Variants in ANXA8 observed in about 807,000 individuals in gnomAD.
ANXA8 encodes VAC-beta.
A neutral mutation model predicts 26.8 loss-of-function variants in ANXA8; 9 were observed. That is an observed-to-expected ratio of 0.34 (90% CI 0.20 to 0.59). The LOEUF is 0.59. Ranked by LOEUF, ANXA8 falls within the 20% of genes least tolerant of loss-of-function variation. The pLI, the probability that ANXA8 is intolerant of heterozygous loss-of-function variation, is 0.84. For missense variants in ANXA8, 83 were observed against 238.5 expected (o/e 0.35, Z 4.29); for synonymous variants, 39 against 94.8 (o/e 0.41, Z 3.42).
At chr10:47,989,041 T>C in the ANXA8 span, among the ~76,000 whole-genome samples, 19 of 149,068 alleles carry the variant, frequency 1.3e-4, no homozygotes, top group Non-Finnish European at 2.5e-4. Context: ...GCTTATGTCA[T>C]GGCTTCCTCA....
chr10:47,533,418 C>A, the ANXA8 span, among the ~76,000 whole-genome samples: 3 of 150,302 alleles, frequency 2.0e-5, no homozygotes, highest in African/African-American at 7.3e-5. Context: ...GGCCACTTCA[C>A]CAGAACCTCT....
chr10:47,610,193 C>T, the ANXA8 span, among the ~76,000 whole-genome samples: 18 of 147,480 alleles, frequency 1.2e-4, 3 homozygotes, highest in African/African-American at 4.5e-4. Flanking sequence ...CTAAACATGT[C>T]ATGAAATGAC....
the ANXA8 span, among the ~76,000 whole-genome samples, chr10:47,762,192 G>A: frequency 4.0e-5 from 6 of 151,656 alleles, no homozygotes; most frequent in Non-Finnish European, 7.4e-5. Flanking sequence ...CACGCGCTTA[G>A]GGGAGTTGGT....
chr10:47,492,132 A>T, the ANXA8 span, among the ~76,000 whole-genome samples: 41 of 150,934 alleles, frequency 2.7e-4, 1 homozygote, highest in African/African-American at 9.5e-4. Flanking sequence ...GGGCCTGGAG[A>T]CCTGGGCAGT....
the ANXA8 span, among the ~76,000 whole-genome samples, chr10:47,988,481 A>C: frequency 8.0e-5 from 6 of 75,400 alleles, 1 homozygote; most frequent in African/African-American, 2.8e-4. Flanking sequence ...AGAACAACAC[A>C]GATGGGCATG....
the ANXA8 span, chr10:47,523,746 CCT>C: frequency 8.7e-4 from 1,198 of 1,381,130 alleles, no homozygotes; most frequent in African/African-American, 0.013. Context: ...TGCTGCCTCC[CCT>C]GAGTTGACTT....
At chr10:47,948,814 T>A in the ANXA8 span, among the ~76,000 whole-genome samples, 1 of 151,670 alleles carries the variant, frequency 6.6e-6, no homozygotes, top group Non-Finnish European at 1.5e-5. Context: ...AGGTAAAACA[T>A]AATCCAATTG....
the ANXA8 span, among the ~76,000 whole-genome samples, chr10:47,495,187 G>A: frequency 0.12 from 17,779 of 148,164 alleles, 291 homozygotes; most frequent in South Asian, 0.19. Context: ...AGTGGGTATG[G>A]AGGGGAAACA....
the ANXA8 span, among the ~76,000 whole-genome samples, chr10:47,918,435 G>T: frequency 2.9e-5 from 1 of 35,076 alleles, no homozygotes; most frequent in Non-Finnish European, 5.9e-5. Flanking sequence ...GAAAGAAAGA[G>T]AGAGAGAAAG....
the ANXA8 span, chr10:47,922,108 A>G: frequency 3.9e-6 from 2 of 510,350 alleles, 1 homozygote; most frequent in East Asian, 6.7e-5. Flanking sequence ...CGTGGACGTG[A>G]TGGTCTTCAT....
intron 3 of ANXA8, among the ~76,000 whole-genome samples, chr10:47,477,418 G>C (rs1367841297): frequency 6.9e-6 from 1 of 145,410 alleles, no homozygotes; most frequent in Non-Finnish European, 1.5e-5. Flanking sequence ...TTGCTTAGGG[G>C]GTTGTGTGTG....
chr10:47,673,190 C>T, the ANXA8 span, among the ~76,000 whole-genome samples: 2 of 151,706 alleles, frequency 1.3e-5, no homozygotes, highest in East Asian at 3.9e-4. Flanking sequence ...CACAGATGTT[C>T]ACTGAATGTT....
the ANXA8 span, among the ~76,000 whole-genome samples, chr10:47,686,555 A>G: frequency 6.6e-6 from 1 of 151,840 alleles, no homozygotes; most frequent in Non-Finnish European, 1.5e-5. Context: ...TCCTCTCAGA[A>G]ATTAAGCTCC....
chr10:47,702,639 C>G, the ANXA8 span, among the ~76,000 whole-genome samples: 1 of 151,692 alleles, frequency 6.6e-6, no homozygotes, highest in Non-Finnish European at 1.5e-5. Flanking sequence ...CCGTGCCCGG[C>G]CTCTCTTTTT....
the ANXA8 span, chr10:47,970,149 A>T: frequency 4.6e-5 from 7 of 151,126 alleles, no homozygotes; most frequent in South Asian, 2.1e-4. Context: ...GTGGGTTAAC[A>T]CTCCCTCCCT....
the ANXA8 span, among the ~76,000 whole-genome samples, chr10:47,645,946 G>T: frequency 6.7e-6 from 1 of 148,800 alleles, no homozygotes; most frequent in African/African-American, 2.6e-5. Flanking sequence ...TAACTTTCCT[G>T]GGCCTCCATC....
At chr10:47,733,183 TTCTTTC>T in the ANXA8 span, among the ~76,000 whole-genome samples, 5 of 86,958 alleles carry the variant, frequency 5.7e-5, no homozygotes, top group African/African-American at 1.6e-4. Context: ...CTTTCTTTCT[TTCTTTC>T]TTTCTTTCTT....
the ANXA8 span, among the ~76,000 whole-genome samples, chr10:47,636,504 A>G: frequency 3.4e-5 from 5 of 145,538 alleles, no homozygotes; most frequent in Admixed American, 2.1e-4. Flanking sequence ...TTAGTTTTAA[A>G]TCATTTTTTA....
At chr10:47,504,825 GC>G in the ANXA8 span, among the ~76,000 whole-genome samples, 3 of 138,934 alleles carry the variant, frequency 2.2e-5, no homozygotes, top group African/African-American at 8.0e-5. Flanking sequence ...CTTCCAGAAG[GC>G]CTAAGAGGTC....
Sources: allele counts gnomAD v4.1 joint callset (sites outside exome capture counted in the v4.1 genomes callset), GRCh38; gene constraint gnomAD v4.1.1; transcripts MANE v1.5; gene names NCBI Gene and HGNC (gene_info 2026-07-23, HGNC 2026-07-21).